Variants in RAB8B observed in about 807,000 individuals in gnomAD.
RAB8B encodes RAB8B, member RAS oncogene family.
Under a neutral mutation model 32.0 loss-of-function variants are expected in RAB8B, and 11 were observed. That is an observed-to-expected ratio of 0.34 (90% CI 0.22 to 0.57). The LOEUF is 0.57. Ranked by LOEUF, RAB8B falls within the 20% of genes least tolerant of loss-of-function variation. RAB8B has a pLI of 0.86. For synonymous variants in RAB8B, 103 were observed against 89.6 expected, an observed-to-expected ratio of 1.15 and a Z score of -0.85; for missense variants, 190 against 258.5, an observed-to-expected ratio of 0.73 and a Z score of 1.82.
rs150172603 is a variant in RAB8B at position 63,199,115 on chromosome 15, C to G, written c.124+9367C>G. Among the ~76,000 whole-genome samples the G allele has an allele frequency of 8.9e-3, 1,353 of 152,316 alleles. 11 individuals are homozygous for G. The highest frequency in any genetic ancestry group is 0.015 in the Non-Finnish European group (990 of 68,036). On this transcript the variant is annotated intron_variant, in intron 1 of 7. Transcript: ENST00000321437. ...TCCCCTTTTGGAATGACTCCAACCACTTTCTTGTTTCACTGTCTGTTAGCA... is the reference window on the plus strand; with the variant it reads ...TCCCCTTTTGGAATGACTCCAACCAGTTTCTTGTTTCACTGTCTGTTAGCA...
intron 1 of RAB8B, among the ~76,000 whole-genome samples, chr15:63,190,532 G>T (rs943957423): frequency 1.3e-5 from 2 of 152,156 alleles, no homozygotes; most frequent in Non-Finnish European, 2.9e-5. Flanking sequence ...AAGTAGTGGG[G>T]CGCAAGACTT....
intron 1 of RAB8B, among the ~76,000 whole-genome samples, chr15:63,237,832 C>T (rs1259539118): frequency 6.6e-6 from 1 of 151,974 alleles, no homozygotes; most frequent in Non-Finnish European, 1.5e-5. Context: ...GGAGAGTTTC[C>T]CCAATGTTTT....
chr15:63,239,230 A>T lies in RAB8B; in HGVS notation c.125-5526A>T, dbSNP rs550043532. ...TTATATTATCATTTTACAGCTAATT[A>T]TTCTTTTAATCCCTGGAGTAGCATC... On this transcript the variant is annotated intron_variant, in intron 1 of 7. Transcript: ENST00000321437. Among the ~76,000 whole-genome samples the T allele has an allele frequency of 5.1e-4, 77 of 152,092 alleles. 1 individual carries two copies. Among genetic ancestry groups the T allele is most frequent in the Non-Finnish European group, 1.0e-3 (68 of 68,006 alleles).
intron 1 of RAB8B, among the ~76,000 whole-genome samples, chr15:63,216,983 C>T (rs35341650): frequency 0.15 from 23,156 of 151,974 alleles, 2,164 homozygotes; most frequent in East Asian, 0.47. Context: ...AGAAGTTGGC[C>T]TCTGACTAGA....
chr15:63,265,082 G>A lies in RAB8B; in HGVS notation c.*1463G>A, dbSNP rs1252647961. 1 of 152,662 alleles carries A rather than the reference G, an allele frequency of 6.6e-6. No individual in the cohort carries two copies. The highest frequency in any genetic ancestry group is 2.4e-5 in the African/African-American group (1 of 41,456). 9.5% of individuals were successfully genotyped at this position (152,662 alleles called of 1,614,324 possible). ...GTCATAACACAGGGGGGATAAAACA[G>A]AGGGGATGAGGGAAATGAATTCTGT... is the stretch of plus-strand genomic sequence containing the variant. On this transcript the variant is annotated 3_prime_UTR_variant, in exon 8 of 8. Transcript: ENST00000321437. This position sits in a 1 kb window ranked among gnomAD's most constrained non-coding sequence, Gnocchi z 4.9.
chr15:63,213,821 G>A (rs1189115291), intron 1 of RAB8B, among the ~76,000 whole-genome samples: 1 of 152,226 alleles, frequency 6.6e-6, no homozygotes, highest in East Asian at 1.9e-4. Flanking sequence ...GGTGGCTCAC[G>A]CCTGTAATCC....
Position 63,248,943 on chromosome 15 carries a change from T to G in RAB8B, c.186-702T>G, listed in dbSNP as rs1032353589. 6.6e-6 allele frequency among the ~76,000 whole-genome samples: 1 copy of G among 152,230 alleles called. No individual in the cohort carries two copies. Among genetic ancestry groups the G allele is most frequent in the Non-Finnish European group, 1.5e-5 (1 of 68,044 alleles). On this transcript the variant is annotated intron_variant, in intron 2 of 7. Transcript: ENST00000321437. The surrounding 1 kb of genome is among the most constrained non-coding windows in gnomAD (Gnocchi z 4.4). The stretch of plus-strand genomic sequence containing the variant: ...GGAAATTTAACTTCCTTTATAGGAT[T>G]GCTTCTATAAATGAAATCAGAAACT...
intron 1 of RAB8B, among the ~76,000 whole-genome samples, chr15:63,239,852 C>T (rs1347827679): frequency 2.0e-5 from 3 of 152,076 alleles, no homozygotes; most frequent in South Asian, 4.2e-4. Context: ...ATGGAGTCTT[C>T]GCATGATCTG....
intron 1 of RAB8B, among the ~76,000 whole-genome samples, chr15:63,228,101 C>T (rs1267983235): frequency 6.6e-6 from 1 of 152,132 alleles, no homozygotes; most frequent in African/African-American, 2.4e-5. Flanking sequence ...ACTGCAGCTT[C>T]GACCTCCTAG....
chr15:63,230,947 C>T (rs1043552504), intron 1 of RAB8B, among the ~76,000 whole-genome samples: 2 of 152,158 alleles, frequency 1.3e-5, no homozygotes, highest in African/African-American at 2.4e-5. Flanking sequence ...AGGTTTTTCT[C>T]TACTGCCTCT....
chr15:63,265,370 CCTT>C lies in RAB8B; in HGVS notation c.*1752_*1754del, dbSNP rs2038238312. On this transcript the variant is annotated 3_prime_UTR_variant, in exon 8 of 8. Transcript: ENST00000321437. This position sits in a 1 kb window ranked among gnomAD's most constrained non-coding sequence, Gnocchi z 4.9. ...ACTTATTGTTGACAAATTTCAGCCT[CCTT>C]AATTTTTTTTTTTTTGGTAATTACC... 1 of 151,608 alleles carries C rather than the reference CCTT, an allele frequency of 6.6e-6. No homozygotes were observed. The highest frequency in any genetic ancestry group is 2.4e-5 in the African/African-American group (1 of 41,162). The allele number at this position is 151,608 out of a possible 1,614,324, so 9.4% of individuals were successfully genotyped here.
intron 1 of RAB8B, among the ~76,000 whole-genome samples, chr15:63,199,444 T>C (rs911404171): frequency 1.3e-5 from 2 of 152,172 alleles, no homozygotes; most frequent in Admixed American, 1.3e-4. Context: ...ACAAACAAAT[T>C]TGAGTTGTTG....
At chr15:63,223,083 C>T (rs540458321) in intron 1 of RAB8B, 2 of 455,136 alleles carry the variant, frequency 4.4e-6, no homozygotes, top group African/African-American at 4.0e-5. Context: ...GGTAAGTACC[C>T]TATATAGGTA....
At chr15:63,249,206 G>A (rs1342382209) in intron 2 of RAB8B, among the ~76,000 whole-genome samples, 1 of 152,038 alleles carries the variant, frequency 6.6e-6, no homozygotes, top group East Asian at 1.9e-4. Context: ...AATAAGTCCA[G>A]CTCGATTGCT....
intron 1 of RAB8B, among the ~76,000 whole-genome samples, chr15:63,204,615 A>C (rs1224232781): frequency 6.6e-6 from 1 of 152,222 alleles, no homozygotes; most frequent in Non-Finnish European, 1.5e-5. Context: ...CAATACATTA[A>C]ATCTTAAAAC....
At chr15:63,196,841 A>G (rs1415680727) in intron 1 of RAB8B, among the ~76,000 whole-genome samples, 1 of 152,230 alleles carries the variant, frequency 6.6e-6, no homozygotes, top group South Asian at 2.1e-4. Flanking sequence ...AATATCAAAG[A>G]TATTTTACTT....
chr15:63,205,516 A>T (rs1222996332), intron 1 of RAB8B, among the ~76,000 whole-genome samples: 2 of 151,974 alleles, frequency 1.3e-5, no homozygotes, highest in South Asian at 2.1e-4. Flanking sequence ...AACAAAAAAA[A>T]TACTCACACA....
chr15:63,206,173 G>T (rs971313468), intron 1 of RAB8B, among the ~76,000 whole-genome samples: 4 of 152,060 alleles, frequency 2.6e-5, no homozygotes, highest in Non-Finnish European at 4.4e-5. Flanking sequence ...ATTGCCTATG[G>T]TCTTTTTCTA....
intron 1 of RAB8B, among the ~76,000 whole-genome samples, chr15:63,219,953 G>A (rs1356052207): frequency 2.0e-5 from 3 of 152,140 alleles, no homozygotes; most frequent in African/African-American, 7.2e-5. Context: ...TTGGAACAAT[G>A]GTAGAAGTTC....
Sources: allele counts gnomAD v4.1 joint callset (sites outside exome capture counted in the v4.1 genomes callset), GRCh38; gene constraint gnomAD v4.1.1; non-coding constraint Gnocchi (gnomAD v3.1); transcripts MANE v1.5; gene names NCBI Gene and HGNC (gene_info 2026-07-23, HGNC 2026-07-21).